Variants in EMC1 observed in about 807,000 individuals in gnomAD.
EMC1 encodes the protein KIAA0090.
EMC1 carries 103 observed loss-of-function variants against 128.8 expected under a neutral mutation model. The ratio of observed to expected loss-of-function variants is 0.80; its 90% CI spans 0.68 to 0.94. The LOEUF (loss-of-function observed/expected upper bound fraction) is 0.94. Among genes scored for constraint, EMC1 ranks in the 40% least tolerant of loss-of-function variants. EMC1 has a pLI of 0.00. For synonymous variants in EMC1, 442 were observed against 490.4 expected, an observed-to-expected ratio of 0.90 and a Z score of 1.30; for missense variants, 1,083 against 1,250.6, an observed-to-expected ratio of 0.87 and a Z score of 2.02.
intron 1 of EMC1, among the ~76,000 whole-genome samples, chr1:19,246,929 T>C (rs1297642635): frequency 1.3e-5 from 2 of 152,236 alleles, no homozygotes; most frequent in African/African-American, 4.8e-5. Context: ...AATGTAATTA[T>C]GTTTTAATAA....
chr1:19,220,727 A>G, intron 21 of EMC1, 37 bp downstream of exon 21: 3 of 1,495,764 alleles, frequency 2.0e-6, no homozygotes, highest in Non-Finnish European at 2.8e-6. Context: ...AAGTTATGTA[A>G]GGTCAGAGCC....
chr1:19,244,836 A>C, intron 2 of EMC1, 70 bp downstream of exon 2: 1 of 1,577,876 alleles, frequency 6.3e-7, no homozygotes, highest in Admixed American at 1.7e-5. Context: ...GGAATCAGCC[A>C]GGCAGAGTTG....
At chr1:19,234,156 A>G in intron 13 of EMC1, 2 of 984,964 alleles carry the variant, frequency 2.0e-6, no homozygotes, top group Non-Finnish European at 2.4e-6. Context: ...AACGAGCAAC[A>G]AGGCAGCAAG....
At chr1:19,221,088 C>T (rs1416295836) in intron 20 of EMC1, 6 of 355,026 alleles carry the variant, frequency 1.7e-5, no homozygotes, top group African/African-American at 6.3e-5. Flanking sequence ...GTTCTAGAAT[C>T]AAGATATGGA....
chr1:19,226,294 C>G (rs1419357386), intron 18 of EMC1, among the ~76,000 whole-genome samples: 2 of 151,990 alleles, frequency 1.3e-5, no homozygotes, highest in Non-Finnish European at 2.9e-5. Flanking sequence ...TGGTTTAACC[C>G]CAGAATGCTC....
chr1:19,242,171 C>A (rs898744002), intron 5 of EMC1, among the ~76,000 whole-genome samples, 174 bp downstream of exon 5: 3 of 152,142 alleles, frequency 2.0e-5, no homozygotes, highest in Non-Finnish European at 4.4e-5. Context: ...AGGCATACTC[C>A]GGAGTTTCAC....
At chr1:19,241,870 C>G (rs757645785) in intron 5 of EMC1, among the ~76,000 whole-genome samples, 1 of 152,122 alleles carries the variant, frequency 6.6e-6, no homozygotes, top group Admixed American at 6.6e-5. Context: ...CTAAGTAGAT[C>G]CTTTTATCTT....
intron 4 of EMC1, 25 bp from the exon 5 acceptor site, chr1:19,242,498 C>G: frequency 6.2e-7 from 1 of 1,613,554 alleles, no homozygotes; most frequent in Non-Finnish European, 8.5e-7. Flanking sequence ...AGGTTGAGAG[C>G]AGCCCACACC....
In EMC1 at chr1:19,233,264, C is replaced by T. The variant is rs2093538279; in HGVS notation, c.1433-129G>A. The T allele has an allele frequency of 1.9e-5, 15 of 778,230 alleles. No homozygotes were observed. In the South Asian group the frequency reaches 2.4e-4, roughly 12 times the overall value. 48.2% of individuals were successfully genotyped at this position (778,230 alleles called of 1,614,324 possible). A position where few individuals can be genotyped will look rare whatever the true frequency, so the allele number is the denominator to read the frequency against. On this transcript the variant is annotated intron_variant, in intron 13 of 22. Transcript: ENST00000477853. Reference sequence around the variant, plus strand: ...AAGTCCACACTCTAGGCCACAAGCCCAAAGGGCAGTCCTGTATCTGATGCC... The same window carrying T: ...AAGTCCACACTCTAGGCCACAAGCCTAAAGGGCAGTCCTGTATCTGATGCC...
chr1:19,239,409 G>GGGGAGCACTTTCAA, intron 8 of EMC1, 107 bp from the exon 9 acceptor site: 1 of 942,760 alleles, frequency 1.1e-6, no homozygotes, highest in Non-Finnish European at 1.7e-6. Flanking sequence ...AGTTGAAAGT[G>GGGGAGCACTTTCAA]CTCCCCACTT....
chr1:19,244,762 G>GA (rs57014131), intron 2 of EMC1, 144 bp downstream of exon 2: 19,089 of 739,396 alleles, frequency 0.026, no homozygotes, highest in Middle Eastern at 0.044. Flanking sequence ...TGGTAAGACT[G>GA]AAAAAAAAAA....
intron 4 of EMC1, among the ~76,000 whole-genome samples, chr1:19,243,289 C>A (rs12139436): frequency 0.12 from 18,659 of 152,150 alleles, 1,275 homozygotes; most frequent in African/African-American, 0.17. Flanking sequence ...AACAATAGGT[C>A]AGGCTGTTCT....
At chr1:19,243,533 G>T in intron 4 of EMC1, 81 bp downstream of exon 4, 1 of 1,298,742 alleles carries the variant, frequency 7.7e-7, no homozygotes. Flanking sequence ...AAAGCCAAAA[G>T]CCCAGAGTTG....
chr1:19,245,089 C>A, intron 1 of EMC1, 59 bp from the exon 2 acceptor site: 1 of 1,590,872 alleles, frequency 6.3e-7, no homozygotes, highest in Admixed American at 1.7e-5. Context: ...CCACAAAATG[C>A]TCCGGAAAAA....
In EMC1 at chr1:19,239,924, G is replaced by A; in HGVS notation, c.848C>T (p.Pro283Leu). 9 of 1,614,032 alleles carry A rather than the reference G, an allele frequency of 5.6e-6. No homozygotes were observed. The highest frequency in any genetic ancestry group is 6.8e-6 in the Non-Finnish European group (8 of 1,179,942). Residue 283 changes from proline (P) to leucine (L), a missense_variant, in exon 8 of 23, where the codon CCA becomes CTA. By Grantham distance (98) the Pro-to-Leu change is moderately conservative. Transcript: ENST00000477853. ...QPRVLPTQPN[P>L]VDASRAQFFL... is the part of the protein sequence containing the mutation. ...GAACTGGGCCCGGGAAGCGTCCACT[G>A]GGTTGGGCTGGGTAGGCAGGACCCG... is the stretch of plus-strand genomic sequence containing the variant.
In EMC1 at chr1:19,222,852, G is replaced by T. The variant is rs747614875; in HGVS notation, c.2377-18C>A. 1.3e-6 allele frequency: 2 copies of T among 1,568,448 alleles called. No homozygotes were observed. ...TACTGGTACTGCAGGGATAGGAGGTGGCAGCTCAGGGCTTAGCAGCTGCTT... is the reference window on the plus strand; with the variant it reads ...TACTGGTACTGCAGGGATAGGAGGTTGCAGCTCAGGGCTTAGCAGCTGCTT... On this transcript the variant is annotated intron_variant, in intron 19 of 22. Coordinates refer to ENST00000477853, the MANE Select transcript of EMC1 (RefSeq NM_015047.3).
At chr1:19,225,818 CAAA>C (rs34138339) in intron 18 of EMC1, among the ~76,000 whole-genome samples, 10 of 110,716 alleles carry the variant, frequency 9.0e-5, no homozygotes, top group South Asian at 2.8e-4. Flanking sequence ...GACCCTGTCT[CAAA>C]AAAAAAAAAA....
At chr1:19,224,559 A>C (rs2093457348) in intron 18 of EMC1, among the ~76,000 whole-genome samples, 1 of 152,054 alleles carries the variant, frequency 6.6e-6, no homozygotes, top group African/African-American at 2.4e-5. Context: ...AGTACCCAGA[A>C]CCTGATCCCT....
At chr1:19,220,670 G>T in intron 21 of EMC1, 94 bp downstream of exon 21, 1 of 1,002,836 alleles carries the variant, frequency 1.0e-6, no homozygotes, top group Non-Finnish European at 1.5e-6. Flanking sequence ...CCCTAGCACA[G>T]CATGAAGGCA....
Sources: gnomAD v4.1 joint callset for allele counts (sites outside exome capture counted in the v4.1 genomes callset) on GRCh38, gnomAD v4.1.1 for gene constraint, MANE v1.5 for transcripts, NCBI Gene and HGNC (gene_info 2026-07-23, HGNC 2026-07-21) for gene names.